NDUFAB1: variants seen among roughly 807,000 people sequenced by gnomAD.
The protein encoded by NDUFAB1 is NADH:ubiquinone oxidoreductase subunit AB1.
NDUFAB1 carries 5 observed loss-of-function variants against 16.1 expected under a neutral mutation model. The ratio of observed to expected loss-of-function variants is 0.31; its 90% CI spans 0.16 to 0.65. The LOEUF is 0.65. Ranked by LOEUF, NDUFAB1 falls within the 30% of genes least tolerant of loss-of-function variation. The pLI is 0.77. For synonymous variants in NDUFAB1, 85 were observed against 78.4 expected (o/e 1.08, Z -0.44); for missense variants, 187 against 205.3 (o/e 0.91, Z 0.54).
chr16:23,595,871 G>C (rs915338916), intron 1 of NDUFAB1, among the ~76,000 whole-genome samples: 1 of 152,228 alleles, frequency 6.6e-6, no homozygotes, highest in Admixed American at 6.5e-5. Flanking sequence ...TAGGAGACTT[G>C]TCCAAAGTTT....
Position 23,582,352 on chromosome 16 carries a change from C to A in NDUFAB1, c.403G>T (p.Ala135Ser). ...EFGFEIPDIDAEKLMCPQEIV... is the reference protein window; with the variant it reads ...EFGFEIPDIDSEKLMCPQEIV... ...TCTTGTGGACACATTAACTTTTCAG[C>A]ATCTATATCAGGAATTTCAAACCCT... The change falls in exon 4 of 5, where the codon GCT becomes TCT. Residue 135 changes from alanine (A) to serine (S), a missense_variant. Ala to Ser is a moderately conservative substitution (Grantham distance 99). Transcript: ENST00000007516. 6.3e-7 allele frequency: 1 copy of A among 1,574,828 alleles called. No individual in the cohort carries two copies.
At chr16:23,592,463 C>G (rs1186015538) in intron 1 of NDUFAB1, among the ~76,000 whole-genome samples, 1 of 152,032 alleles carries the variant, frequency 6.6e-6, no homozygotes, top group Non-Finnish European at 1.5e-5. Flanking sequence ...GGGCCCAGGT[C>G]TGCAGAGCCT....
chr16:23,582,933 C>T (rs934113568), intron 3 of NDUFAB1, among the ~76,000 whole-genome samples: 2 of 150,536 alleles, frequency 1.3e-5, no homozygotes, highest in Non-Finnish European at 3.0e-5. Context: ...TCTCCTGCCT[C>T]GGCCTGCCCA....
chr16:23,596,192 G>A lies in NDUFAB1; in HGVS notation c.99C>T (p.Ser33=). 3 of 1,611,024 alleles carry A rather than the reference G, an allele frequency of 1.9e-6. No individual in the cohort carries two copies. Among genetic ancestry groups the A allele is most frequent in the Non-Finnish European group, 2.5e-6 (3 of 1,179,074 alleles). The change falls in exon 1 of 5, where the codon AGC becomes AGT. Residue 33 remains serine, a synonymous_variant. Transcript: ENST00000007516. ...VRMLAVARPL[S]TALCSAGTQT... ...GGGTCCCCGCGGAGCAGAGAGCGGT[G>A]CTGAGAGGCCGGGCCACGGCCAGCA... is the stretch of plus-strand genomic sequence containing the variant.
At position 23,588,415 on chromosome 16, in the gene NDUFAB1, T is replaced by C. The variant is rs146841960; in HGVS notation, c.169-1096A>G. Among the ~76,000 whole-genome samples, 463 of 151,912 alleles carry C rather than the reference T, an allele frequency of 3.0e-3. 2 individuals carry two copies. Among genetic ancestry groups the C allele is most frequent in the Non-Finnish European group, 4.9e-3 (333 of 67,910 alleles). On this transcript the variant is annotated intron_variant, in intron 1 of 4. Transcript: ENST00000007516. Reference sequence around the variant, plus strand: ...GTTGCAGTGAGCCGAGCCTGCGCCATTGCATTCCAGCCTGGGCGACAAAGC... The same window carrying C: ...GTTGCAGTGAGCCGAGCCTGCGCCACTGCATTCCAGCCTGGGCGACAAAGC...
intron 2 of NDUFAB1, 66 bp from the exon 3 acceptor site, chr16:23,585,489 G>T: frequency 8.7e-7 from 1 of 1,143,136 alleles, no homozygotes; most frequent in Non-Finnish European, 1.3e-6. Flanking sequence ...AAGATAACAG[G>T]GTGGTACAAT....
chr16:23,588,271 A>G (rs1014588030), intron 1 of NDUFAB1, among the ~76,000 whole-genome samples: 4 of 147,818 alleles, frequency 2.7e-5, no homozygotes, highest in African/African-American at 7.6e-5. Flanking sequence ...CCTGGCCAAC[A>G]TGGTGAAACC....
intron 1 of NDUFAB1, among the ~76,000 whole-genome samples, chr16:23,589,553 G>C (rs1015248821): frequency 4.6e-5 from 7 of 152,270 alleles, no homozygotes; most frequent in African/African-American, 1.2e-4. Flanking sequence ...GGAATAAAGA[G>C]AAAGGGGGAG....
At position 23,582,387 on chromosome 16, in the gene NDUFAB1, A is replaced by G. The variant is rs773567612; in HGVS notation, c.380-12T>C. 1.3e-6 allele frequency: 2 copies of G among 1,549,650 alleles called. No homozygotes were observed. The highest frequency in any genetic ancestry group is 2.5e-5 in the South Asian group (2 of 81,324). ...AGGAATTTCAAACCCTAAAAGAAAA[A>G]TATACAACAATGTGAGAGAGTTAAA... On this transcript the variant is annotated splice_polypyrimidine_tract_variant and intron_variant, in intron 3 of 4. Coordinates refer to ENST00000007516, the MANE Select transcript of NDUFAB1 (RefSeq NM_005003.3).
intron 2 of NDUFAB1, 89 bp downstream of exon 2, chr16:23,587,108 T>G: frequency 1.5e-6 from 2 of 1,361,972 alleles, no homozygotes; most frequent in Non-Finnish European, 2.0e-6. Flanking sequence ...CCAGGGAGAT[T>G]TTTACTGAGT....
intron 1 of NDUFAB1, among the ~76,000 whole-genome samples, chr16:23,589,865 G>A (rs1279763321): frequency 1.3e-5 from 2 of 150,946 alleles, no homozygotes; most frequent in Admixed American, 6.6e-5. Flanking sequence ...GAACCTAGGA[G>A]GCAGAGGTTG....
At chr16:23,583,505 G>C (rs1262756778) in intron 3 of NDUFAB1, among the ~76,000 whole-genome samples, 1 of 146,458 alleles carries the variant, frequency 6.8e-6, no homozygotes, top group African/African-American at 2.6e-5. Flanking sequence ...CTGCCCCACT[G>C]CCCCGTCTGG....
chr16:23,583,757 T>TGGGGGGCA (rs1294391036), intron 3 of NDUFAB1, among the ~76,000 whole-genome samples: 2 of 148,432 alleles, frequency 1.3e-5, no homozygotes, highest in African/African-American at 5.1e-5. Flanking sequence ...GTCAGGGAGG[T>TGGGGGGCA]GTACCCAACA....
chr16:23,595,387 G>T (rs575836149), intron 1 of NDUFAB1: 1 of 363,518 alleles, frequency 2.8e-6, no homozygotes, highest in Admixed American at 3.7e-5. Context: ...GCGCAGATTG[G>T]TTCCAGGACC....
At position 23,593,501 on chromosome 16, in the gene NDUFAB1, G is replaced by C. The variant is rs1966296535; in HGVS notation, c.168+2622C>G. On this transcript the variant is annotated intron_variant, in intron 1 of 4. Transcript: ENST00000007516. Reference sequence around the variant, plus strand: ...CACACAGCTGGCCCTCAATATCTTTGAATGAACTTAGTCAAAACCACTTTG... The same window carrying C: ...CACACAGCTGGCCCTCAATATCTTTCAATGAACTTAGTCAAAACCACTTTG... Among the ~76,000 whole-genome samples, 3 of 152,174 alleles carry C rather than the reference G, an allele frequency of 2.0e-5. No homozygotes were observed. The South Asian group carries it at 6.2e-4, about 32-fold the overall frequency.
chr16:23,587,224 T>G lies in NDUFAB1; in HGVS notation c.264A>C (p.Lys88Asn), dbSNP rs769171381. 2 of 1,612,904 alleles carry G rather than the reference T, an allele frequency of 1.2e-6. No individual in the cohort carries two copies. Among genetic ancestry groups the G allele is most frequent in the East Asian group, 4.5e-5 (2 of 44,810 alleles). Residue 88 changes from lysine to asparagine, a missense_variant, in exon 2 of 5, where the codon AAA becomes AAC. Lys to Asn is a moderately conservative substitution (Grantham distance 94). This residue lies in a region of NDUFAB1 where 135 missense variants were observed against 129.4 expected (regional missense o/e 1.04). Coordinates refer to ENST00000007516, the MANE Select transcript of NDUFAB1 (RefSeq NM_005003.3). ...GIQDRVLYVLKLYDKIDPEKL... is the reference protein window; with the variant it reads ...GIQDRVLYVLNLYDKIDPEKL... Reference sequence around the variant, plus strand: ...TCTCTGGGTCAATCTTGTCATAGAGTTTCAATACGTAAAGAACACGGTCCT... The same window carrying G: ...TCTCTGGGTCAATCTTGTCATAGAGGTTCAATACGTAAAGAACACGGTCCT...
At chr16:23,593,894 T>TTATTTATG (rs1555507887) in intron 1 of NDUFAB1, among the ~76,000 whole-genome samples, 1 of 150,092 alleles carries the variant, frequency 6.7e-6, no homozygotes, top group Non-Finnish European at 1.5e-5. Flanking sequence ...ATTTATTTAT[T>TTATTTATG]TATTGAGATG....
chr16:23,583,396 C>T (rs1966200199), intron 3 of NDUFAB1, among the ~76,000 whole-genome samples: 1 of 151,922 alleles, frequency 6.6e-6, no homozygotes, highest in Admixed American at 6.5e-5. Context: ...GCTGCCCAGT[C>T]TGGGAAGTGA....
chr16:23,585,236 A>T, intron 3 of NDUFAB1, 100 bp downstream of exon 3: 1 of 846,804 alleles, frequency 1.2e-6, no homozygotes, highest in Non-Finnish European at 2.0e-6. Flanking sequence ...TGTTTCTATT[A>T]ATATTTAATT....
Sources: allele counts gnomAD v4.1 joint callset (sites outside exome capture counted in the v4.1 genomes callset), GRCh38; gene constraint gnomAD v4.1.1; regional missense constraint gnomAD v4.1.1; transcripts MANE v1.5; gene names NCBI Gene and HGNC (gene_info 2026-07-23, HGNC 2026-07-21).